MYEF2: variants seen among roughly 807,000 people sequenced by gnomAD.
The protein encoded by MYEF2 is myelin gene expression factor 2.
In MYEF2, 37 loss-of-function variants were observed where a neutral mutation model predicts 75.2. The ratio of observed to expected loss-of-function variants is 0.49; its 90% CI spans 0.38 to 0.65. The LOEUF is 0.65. Ranked by LOEUF, MYEF2 falls within the 30% of genes least tolerant of loss-of-function variation. The probability of loss-of-function intolerance (pLI) is 0.00; values close to 1 mark genes in which losing one functional copy is unlikely to be tolerated. For missense variants in MYEF2, 634 were observed against 771.4 expected, an observed-to-expected ratio of 0.82 and a Z score of 2.11; for synonymous variants, 195 against 241.6, an observed-to-expected ratio of 0.81 and a Z score of 1.79.
At position 48,138,334 on chromosome 15, in the gene MYEF2, T is replaced by G. The variant is rs899833471; in HGVS notation, c.*4574A>C. On this transcript the variant is annotated 3_prime_UTR_variant, in exon 17 of 17. Transcript: ENST00000324324. ...TATCCTTCTACTAAATTAAATTGAATAAAGAAATATACTCAATTTTCATAA... is the reference window on the plus strand; with the variant it reads ...TATCCTTCTACTAAATTAAATTGAAGAAAGAAATATACTCAATTTTCATAA... The G allele has an allele frequency of 2.0e-5, 3 of 152,032 alleles. No homozygotes were observed. The highest frequency in any genetic ancestry group is 4.4e-5 in the Non-Finnish European group (3 of 67,920). The allele number at this position is 152,032 out of a possible 1,614,324, so 9.4% of individuals were successfully genotyped here.
chr15:48,166,248 A>G, intron 3 of MYEF2, 120 bp from the exon 4 acceptor site: 1 of 776,484 alleles, frequency 1.3e-6, no homozygotes, highest in Non-Finnish European at 2.0e-6. Context: ...TGGTAGAATC[A>G]CTTCATCTTT....
intron 1 of MYEF2, 54 bp downstream of exon 1, chr15:48,178,023 C>A: frequency 6.5e-7 from 1 of 1,546,432 alleles, no homozygotes; most frequent in South Asian, 1.2e-5. Flanking sequence ...TCTAGCCGCC[C>A]GGTAGACTCC....
In MYEF2 at chr15:48,135,021, A is replaced by G; in HGVS notation, c.*7887T>C. The G allele has an allele frequency of 1.3e-6, 2 of 1,492,736 alleles. No homozygotes were observed. The highest frequency in any genetic ancestry group is 1.8e-6 in the Non-Finnish European group (2 of 1,083,896). 92.5% of individuals were successfully genotyped at this position (1,492,736 alleles called of 1,614,324 possible). ...AATAATTCTTATGTAAAAATTAGAG[A>G]TTTTATGAATTTCTGATGGTTCAGT... On this transcript the variant is annotated 3_prime_UTR_variant, in exon 17 of 17. Coordinates refer to ENST00000324324, the MANE Select transcript of MYEF2 (RefSeq NM_016132.5).
At chr15:48,173,815 G>GA (rs1450344128) in intron 1 of MYEF2, among the ~76,000 whole-genome samples, 4 of 151,978 alleles carry the variant, frequency 2.6e-5, no homozygotes, top group Non-Finnish European at 5.9e-5. Flanking sequence ...GCTATACACT[G>GA]AAAAACGATC....
intron 10 of MYEF2, chr15:48,152,886 C>T (rs954616999): frequency 6.6e-6 from 1 of 152,248 alleles, no homozygotes; most frequent in Non-Finnish European, 1.5e-5. Context: ...TTTATTAGTC[C>T]ATCAATTAAA....
At chr15:48,150,695 T>C (rs187233856) in intron 14 of MYEF2, among the ~76,000 whole-genome samples, 20 of 152,154 alleles carry the variant, frequency 1.3e-4, no homozygotes, top group Admixed American at 7.9e-4. Flanking sequence ...GAGTGCTATA[T>C]CTGCATTTAC....
In MYEF2 at chr15:48,137,452, C is replaced by T. The variant is rs2038929831; in HGVS notation, c.*5456G>A. 6.6e-6 allele frequency: 1 copy of T among 152,242 alleles called. No homozygotes were observed. The highest frequency in any genetic ancestry group is 1.5e-5 in the Non-Finnish European group (1 of 68,126). 9.4% of individuals were successfully genotyped at this position (152,242 alleles called of 1,614,324 possible). On this transcript the variant is annotated 3_prime_UTR_variant, in exon 17 of 17. Transcript: ENST00000324324. The stretch of plus-strand genomic sequence containing the variant: ...AATAGGATAAGAAGAATCTTAAATG[C>T]TATTTTAAGAATCTTGGAAGGTTTC...
intron 5 of MYEF2, among the ~76,000 whole-genome samples, chr15:48,161,160 A>G (rs758975137): frequency 6.6e-6 from 1 of 152,096 alleles, no homozygotes; most frequent in Non-Finnish European, 1.5e-5. Context: ...ATGCATACAT[A>G]CATAAAACAT....
rs778559565 is a variant in MYEF2, at chr15:48,136,743, C to T, written c.*6165G>A. On this transcript the variant is annotated 3_prime_UTR_variant, in exon 17 of 17. Transcript: ENST00000324324. ...TGTATGTTTTGGTGCTGTGTTTTGA[C>T]ATTAAAATTAACCAATATATTATAA... is the stretch of plus-strand genomic sequence containing the variant. 3 of 1,613,310 alleles carry T rather than the reference C, an allele frequency of 1.9e-6. No individual in the cohort carries two copies. The highest frequency in any genetic ancestry group is 1.7e-6 in the Non-Finnish European group (2 of 1,179,720).
chr15:48,156,332 T>TA (rs1396591962), intron 9 of MYEF2, among the ~76,000 whole-genome samples: 1 of 151,896 alleles, frequency 6.6e-6, no homozygotes, highest in Non-Finnish European at 1.5e-5. Context: ...AATACTCTAT[T>TA]AAAACCGACA....
chr15:48,159,457 T>C (rs991124412), intron 6 of MYEF2, 156 bp downstream of exon 6: 2 of 633,368 alleles, frequency 3.2e-6, no homozygotes, highest in Non-Finnish European at 5.5e-6. Flanking sequence ...TGTATATATA[T>C]GTATATACGT....
At chr15:48,154,557 A>C (rs1477760751) in intron 9 of MYEF2, among the ~76,000 whole-genome samples, 1 of 152,192 alleles carries the variant, frequency 6.6e-6, no homozygotes, top group Non-Finnish European at 1.5e-5. Context: ...TAAAGAAAGG[A>C]CGATTCAACA....
rs199811231 is a variant in MYEF2 at position 48,149,270 on chromosome 15, T to C, written c.1480A>G (p.Ile494Val). Residue 494 changes from isoleucine (I) to valine (V), a missense_variant, in exon 15 of 17, where the codon ATA (isoleucine) becomes GTA (valine). Coordinates refer to ENST00000324324, the MANE Select transcript of MYEF2 (RefSeq NM_016132.5). The surrounding 1 kb of genome is among the most constrained non-coding windows in gnomAD (Gnocchi z 4.0). ...FDRMGPGIGA[I>V]LERSIDMDRG... ...TCCATATCGATGCTCCTTTCCAGTA[T>C]AGCTCCTATACCTGGTCCCATTCTA... 5.9e-5 allele frequency: 95 copies of C among 1,613,376 alleles called. No individual in the cohort carries two copies. In the Admixed American group the frequency reaches 8.3e-4, roughly 14 times the overall value.
At chr15:48,158,701 C>T (rs1223961089) in intron 7 of MYEF2, 68 bp downstream of exon 7, 33 of 1,579,456 alleles carry the variant, frequency 2.1e-5, no homozygotes, top group African/African-American at 1.1e-4. Context: ...AATTACCCCC[C>T]GCCAAAACAA....
chr15:48,168,613 T>C lies in MYEF2; in HGVS notation c.370+18A>G, dbSNP rs1481527983. On this transcript the variant is annotated intron_variant, in intron 2 of 16. Coordinates refer to ENST00000324324, the MANE Select transcript of MYEF2 (RefSeq NM_016132.5). ...ATATGAAGATTATCCAACAGTGGGT[T>C]ATTTCAGAGATAGTTACCTTTCTCT... The C allele has an allele frequency of 6.3e-7, 1 of 1,590,660 alleles. No homozygotes were observed. The highest frequency in any genetic ancestry group is 2.2e-5 in the East Asian group (1 of 44,768).
At chr15:48,167,590 C>CCACATT (rs1215686738) in intron 2 of MYEF2, among the ~76,000 whole-genome samples, 189 bp from the exon 3 acceptor site, 1 of 152,012 alleles carries the variant, frequency 6.6e-6, no homozygotes, top group Non-Finnish European at 1.5e-5. Flanking sequence ...TGTACATCAT[C>CCACATT]CACATTCTCT....
At chr15:48,152,026 T>G in intron 11 of MYEF2, 84 bp from the exon 12 acceptor site, 1 of 1,384,358 alleles carries the variant, frequency 7.2e-7, no homozygotes, top group South Asian at 1.2e-5. Context: ...ATCTCACCAG[T>G]AAGCTCTTCA....
rs2038954014 is a variant in MYEF2 at position 48,138,362 on chromosome 15, T to C, written c.*4546A>G. 6.6e-6 allele frequency: 1 copy of C among 152,066 alleles called. No individual in the cohort carries two copies. The highest frequency in any genetic ancestry group is 6.6e-5 in the Admixed American group (1 of 15,242). 9.4% of individuals were successfully genotyped at this position (152,066 alleles called of 1,614,324 possible). On this transcript the variant is annotated 3_prime_UTR_variant, in exon 17 of 17. Transcript: ENST00000324324. ...AGAAATATACTCAATTTTCATAAAT[T>C]GTACTTTAGATGATATACTACCTCC...
At chr15:48,155,650 A>G (rs992408208) in intron 9 of MYEF2, among the ~76,000 whole-genome samples, 17 of 151,762 alleles carry the variant, frequency 1.1e-4, no homozygotes, top group African/African-American at 3.6e-4. Context: ...TCACATATAA[A>G]CCATGTTCTC....
Sources: allele counts gnomAD v4.1 joint callset (sites outside exome capture counted in the v4.1 genomes callset), GRCh38; gene constraint gnomAD v4.1.1; non-coding constraint Gnocchi (gnomAD v3.1); transcripts MANE v1.5; gene names NCBI Gene and HGNC (gene_info 2026-07-23, HGNC 2026-07-21).